TTC8: variants seen among roughly 807,000 people sequenced by gnomAD.
The protein encoded by TTC8 is tetratricopeptide repeat domain 8, also known as tetratricopeptide repeat protein 8.
TTC8 carries 47 observed loss-of-function variants against 72.5 expected under a neutral mutation model. The ratio of observed to expected loss-of-function variants is 0.65; its 90% CI spans 0.51 to 0.83. The LOEUF (loss-of-function observed/expected upper bound fraction) is 0.83. Ranked by LOEUF, TTC8 falls within the 40% of genes least tolerant of loss-of-function variation. The pLI, the probability that TTC8 is intolerant of heterozygous loss-of-function variation, is 0.00. For missense variants in TTC8, 611 were observed against 623.2 expected (o/e 0.98, Z 0.21); for synonymous variants, 199 against 221.4 (o/e 0.90, Z 0.90).
intron 7 of TTC8, among the ~76,000 whole-genome samples, chr14:88,845,019 C>G (rs1315807309): frequency 6.6e-6 from 1 of 151,518 alleles, no homozygotes. Context: ...AAGTTGTTAC[C>G]AAGTAGGAAA....
rs982852104 is a variant in TTC8, at chr14:88,841,108, C to T, written c.401C>T (p.Thr134Ile). Residue 134 changes from threonine to isoleucine, a missense_variant, in exon 5 of 15, where the codon ACT becomes ATT. By Grantham distance (89) the Thr-to-Ile change is moderately conservative. Coordinates refer to ENST00000380656, the MANE Select transcript of TTC8 (RefSeq NM_144596.4). ...RPSTQSGRPGTMEQAIRTPRT... is the reference protein window; with the variant it reads ...RPSTQSGRPGIMEQAIRTPRT... ...AGCACGCAGAGTGGAAGGCCAGGCA[C>T]TATGGAACAGGCTATCAGAACACCC... 6 of 1,614,024 alleles carry T rather than the reference C, an allele frequency of 3.7e-6. No individual in the cohort carries two copies. In the African/African-American group the frequency reaches 8.0e-5, roughly 22 times the overall value.
chr14:88,853,205 C>T (rs1021295821), intron 8 of TTC8, 149 bp downstream of exon 8: 1 of 672,230 alleles, frequency 1.5e-6, no homozygotes. Flanking sequence ...TTAACAATCA[C>T]AGGGTAGCAA....
At chr14:88,875,430 A>T (rs193113055) in intron 14 of TTC8, among the ~76,000 whole-genome samples, 1 of 152,312 alleles carries the variant, frequency 6.6e-6, no homozygotes, top group East Asian at 1.9e-4. Context: ...TGGCTTTTAC[A>T]GCAACAAAAT....
chr14:88,849,362 T>C (rs535388181), intron 7 of TTC8, among the ~76,000 whole-genome samples: 46 of 152,290 alleles, frequency 3.0e-4, no homozygotes, highest in African/African-American at 1.0e-3. Context: ...AAAGCATGTA[T>C]TTTTATATCT....
rs538028880 is a variant in TTC8, at chr14:88,830,839, A to G, written c.115-2854A>G. On this transcript the variant is annotated intron_variant, in intron 1 of 14. Coordinates refer to ENST00000380656, the MANE Select transcript of TTC8 (RefSeq NM_144596.4). ...GATTTTTAAAAAAGAGTTTTCCCCTATCTCCTAATTAAAACATTCCGACTC... is the reference window on the plus strand; with the variant it reads ...GATTTTTAAAAAAGAGTTTTCCCCTGTCTCCTAATTAAAACATTCCGACTC... The G allele has an allele frequency of 2.4e-5, 11 of 456,004 alleles. No homozygotes were observed. In the East Asian group the frequency reaches 4.2e-4, roughly 17 times the overall value. The allele number at this position is 456,004 out of a possible 1,614,324, so 28.2% of individuals were successfully genotyped here. A position where few individuals can be genotyped will look rare whatever the true frequency, so the allele number is the denominator to read the frequency against.
At chr14:88,829,128 G>A (rs1595925719) in intron 1 of TTC8, among the ~76,000 whole-genome samples, 1 of 151,880 alleles carries the variant, frequency 6.6e-6, no homozygotes, top group East Asian at 1.9e-4. Flanking sequence ...GGCCAGCCGG[G>A]GTCTGTAAGC....
intron 9 of TTC8, 53 bp downstream of exon 9, chr14:88,857,330 A>G (rs2094861383): frequency 6.8e-7 from 1 of 1,465,302 alleles, no homozygotes. Flanking sequence ...AAATGTTTAA[A>G]TTCTGGCCAT....
At chr14:88,861,632 C>T (rs146802526) in intron 10 of TTC8, among the ~76,000 whole-genome samples, 224 of 152,188 alleles carry the variant, frequency 1.5e-3, no homozygotes, top group Admixed American at 2.5e-3. Flanking sequence ...TCTCTTCATC[C>T]TCCAGTCTCC....
At chr14:88,836,301 G>A (rs866229998) in intron 2 of TTC8, among the ~76,000 whole-genome samples, 20 of 151,842 alleles carry the variant, frequency 1.3e-4, no homozygotes, top group Non-Finnish European at 1.2e-4. Flanking sequence ...GACCAGCCAG[G>A]GCAACAAAGT....
chr14:88,832,277 T>C (rs1355655810), intron 1 of TTC8, among the ~76,000 whole-genome samples: 1 of 152,218 alleles, frequency 6.6e-6, no homozygotes, highest in Non-Finnish European at 1.5e-5. Context: ...TTTGTGTCAC[T>C]GGAGGAATCT....
At chr14:88,873,837 T>G (rs754178117) in intron 13 of TTC8, among the ~76,000 whole-genome samples, 1 of 152,186 alleles carries the variant, frequency 6.6e-6, no homozygotes, top group Non-Finnish European at 1.5e-5. Flanking sequence ...AAACGGAGGC[T>G]TGAGAAGGGT....
chr14:88,844,520 TG>T (rs1221430091), intron 7 of TTC8, among the ~76,000 whole-genome samples: 1 of 152,060 alleles, frequency 6.6e-6, no homozygotes, highest in East Asian at 1.9e-4. Context: ...AAAATAAAAA[TG>T]TTTTCCTTAA....
chr14:88,830,067 T>C (rs748870234), intron 1 of TTC8, among the ~76,000 whole-genome samples: 2 of 152,190 alleles, frequency 1.3e-5, no homozygotes, highest in African/African-American at 2.4e-5. Flanking sequence ...ATTCCTCTAT[T>C]CTCTTAAACT....
chr14:88,861,732 C>T (rs998409931), intron 10 of TTC8, among the ~76,000 whole-genome samples: 3 of 152,130 alleles, frequency 2.0e-5, no homozygotes, highest in South Asian at 2.1e-4. Context: ...TGAGAACATG[C>T]GGCACTTTTC....
intron 14 of TTC8, 125 bp downstream of exon 14, chr14:88,875,234 C>T: frequency 2.6e-6 from 2 of 780,776 alleles, no homozygotes; most frequent in African/African-American, 1.8e-5. Flanking sequence ...TTTTAAAACT[C>T]TTAATTACTG....
At position 88,830,928 on chromosome 14, in the gene TTC8, A is replaced by G. The variant is rs1317247080; in HGVS notation, c.115-2765A>G. On this transcript the variant is annotated intron_variant, in intron 1 of 14. Coordinates refer to ENST00000380656, the MANE Select transcript of TTC8 (RefSeq NM_144596.4). ...CCATGCCTGTCCTTGGTCTCTCCACATCCTACGGTAGTCTGTGTTCCATCC... is the reference window on the plus strand; with the variant it reads ...CCATGCCTGTCCTTGGTCTCTCCACGTCCTACGGTAGTCTGTGTTCCATCC... 5 of 456,042 alleles carry G rather than the reference A, an allele frequency of 1.1e-5. No individual in the cohort carries two copies. The East Asian group carries it at 2.1e-4, about 19-fold the overall frequency. 28.2% of individuals were successfully genotyped at this position (456,042 alleles called of 1,614,324 possible).
At chr14:88,870,233 C>A in intron 11 of TTC8, 35 bp downstream of exon 11, 1 of 1,606,530 alleles carries the variant, frequency 6.2e-7, no homozygotes, top group Non-Finnish European at 8.5e-7. Context: ...AACCACTTTC[C>A]TGTGAAATAT....
At chr14:88,859,166 T>C (rs929277320) in intron 9 of TTC8, among the ~76,000 whole-genome samples, 4 of 152,132 alleles carry the variant, frequency 2.6e-5, no homozygotes, top group Admixed American at 2.6e-4. Flanking sequence ...ATGGTTATTA[T>C]GTAATAGAGA....
intron 10 of TTC8, among the ~76,000 whole-genome samples, chr14:88,865,651 A>G: frequency 6.6e-6 from 1 of 152,178 alleles, no homozygotes; most frequent in Non-Finnish European, 1.5e-5. Flanking sequence ...CTGGGCAACA[A>G]GAGTGAAACT....
Sources: gnomAD v4.1 joint callset for allele counts (sites outside exome capture counted in the v4.1 genomes callset) on GRCh38, gnomAD v4.1.1 for gene constraint, MANE v1.5 for transcripts, NCBI Gene and HGNC (gene_info 2026-07-23, HGNC 2026-07-21) for gene names.